Variants in ERLIN2 observed in about 807,000 individuals in gnomAD.
ERLIN2 encodes ER lipid raft associated 2.
ERLIN2 carries 22 observed loss-of-function variants against 41.5 expected under a neutral mutation model. The observed-to-expected ratio is 0.53, with a 90% confidence interval of 0.38 to 0.76. The LOEUF (loss-of-function observed/expected upper bound fraction) is 0.76. ERLIN2 is among the 30% of genes least tolerant of loss of function. The pLI is 0.00. For synonymous variants in ERLIN2, 149 were observed against 150.9 expected, an observed-to-expected ratio of 0.99 and a Z score of 0.09; for missense variants, 247 against 414.3, an observed-to-expected ratio of 0.60 and a Z score of 3.51.
chr8:37,737,860 T>C (rs1334144977), intron 1 of ERLIN2, 48 bp from the exon 2 acceptor site: 2 of 1,611,718 alleles, frequency 1.2e-6, no homozygotes, highest in Non-Finnish European at 1.7e-6. Flanking sequence ...TTGTGGCCTT[T>C]TCTCCTGCAC....
Position 37,749,644 on chromosome 8 carries a change from T to C in ERLIN2, c.498+12T>C. 1 of 1,606,360 alleles carries C rather than the reference T, an allele frequency of 6.2e-7. No individual in the cohort carries two copies. The highest frequency in any genetic ancestry group is 2.2e-5 in the East Asian group (1 of 44,824). On this transcript the variant is annotated intron_variant, in intron 7 of 11. Coordinates refer to ENST00000519638, the MANE Select transcript of ERLIN2 (RefSeq NM_007175.8). ...GGCTGGTCATTCAAGTAAGCATTGC[T>C]GCATGGGAGCAGCCCCTCTCTCTCT...
At chr8:37,750,219 G>A (rs1803186621) in intron 8 of ERLIN2, 176 bp from the exon 9 acceptor site, 1 of 654,340 alleles carries the variant, frequency 1.5e-6, no homozygotes, top group Non-Finnish European at 2.7e-6. Context: ...CTTGGGAGGA[G>A]AAGAGCTATG....
chr8:37,744,529 G>A lies in ERLIN2; in HGVS notation c.299-42G>A, dbSNP rs1438959241. The A allele has an allele frequency of 1.9e-6, 3 of 1,613,842 alleles. No homozygotes were observed. The Admixed American group carries it at 5.0e-5, about 27-fold the overall frequency. On this transcript the variant is annotated intron_variant, in intron 5 of 11. Coordinates refer to ENST00000519638, the MANE Select transcript of ERLIN2 (RefSeq NM_007175.8). ...GCTGCCGTGTCTGAGGGCATTTTGAGTCTTGCCTTTTCTTATGCCAAGCCC... is the reference window on the plus strand; with the variant it reads ...GCTGCCGTGTCTGAGGGCATTTTGAATCTTGCCTTTTCTTATGCCAAGCCC...
intron 6 of ERLIN2, chr8:37,745,862 T>A: frequency 7.7e-7 from 1 of 1,302,624 alleles, no homozygotes; most frequent in African/African-American, 1.5e-5. Context: ...AACCTCAAAC[T>A]AATAGAATTT....
intron 6 of ERLIN2, chr8:37,748,032 T>C: frequency 1.9e-6 from 3 of 1,592,860 alleles, no homozygotes; most frequent in Non-Finnish European, 2.6e-6. Flanking sequence ...TGAAAAACTC[T>C]ACGCAAAGAA....
intron 1 of ERLIN2, chr8:37,737,074 C>T (rs1802672072): frequency 2.6e-6 from 2 of 756,454 alleles, no homozygotes; most frequent in Non-Finnish European, 3.2e-6. Context: ...GAATCCACGC[C>T]CTGCGCTCAC....
In ERLIN2 at chr8:37,737,986, G is replaced by A. The variant is rs1477497674; in HGVS notation, c.64G>A (p.Ala22Thr). The change falls in exon 2 of 12, where the codon GCT becomes ACT. Residue 22 changes from alanine (A) to threonine (T), a missense_variant. Coordinates refer to ENST00000519638, the MANE Select transcript of ERLIN2 (RefSeq NM_007175.8). Reference protein sequence around the residue: ...SSFFCASLFSAVHKIEEGHIG... With the variant: ...SSFFCASLFSTVHKIEEGHIG... ...TTTCTTTTGTGCATCTCTCTTCTCA[G>A]CTGTGCACAAGATAGAAGAGGGACA... is the stretch of plus-strand genomic sequence containing the variant. 1.2e-6 allele frequency: 2 copies of A among 1,614,106 alleles called. No homozygotes were observed. Among genetic ancestry groups the A allele is most frequent in the Non-Finnish European group, 1.7e-6 (2 of 1,179,954 alleles).
rs372395378 is a variant in ERLIN2 at position 37,744,602 on chromosome 8, C to G, written c.330C>G (p.Asp110Glu). Reference sequence around the variant, plus strand: ...ATATAGTGAAGAACTATACTGCTGACTATGACAAGGCCCTCATCTTCAACA... The same window carrying G: ...ATATAGTGAAGAACTATACTGCTGAGTATGACAAGGCCCTCATCTTCAACA... The part of the protein sequence containing the change: ...VYDIVKNYTA[D>E]YDKALIFNKI... Residue 110 changes from aspartate (D) to glutamate (E), a missense_variant, in exon 6 of 12, where the codon GAC (aspartate) becomes GAG (glutamate). Physicochemically the swap from Asp to Glu is conservative, Grantham distance 45. Around this residue, in one of 3 missense-constraint regions of ERLIN2, gnomAD observed 93 missense variants for 139.0 expected, o/e 0.67. Transcript: ENST00000519638. 6.2e-6 allele frequency: 10 copies of G among 1,613,982 alleles called. No homozygotes were observed. The African/African-American group carries it at 9.3e-5, about 15-fold the overall frequency.
At position 37,745,763 on chromosome 8, in the gene ERLIN2, AT is replaced by A. The variant is rs1480031629; in HGVS notation, c.424+1071del. 6 of 1,504,918 alleles carry A rather than the reference AT, an allele frequency of 4.0e-6. No homozygotes were observed. In the African/African-American group the frequency reaches 8.4e-5, roughly 21 times the overall value. 93.2% of individuals were successfully genotyped at this position (1,504,918 alleles called of 1,614,324 possible). The stretch of plus-strand genomic sequence containing the variant: ...TGCAGTAGAAAATGAATCTAAATTC[AT>A]TTTATAGGGTTTGTAGTCTTTTATC... On this transcript the variant is annotated intron_variant, in intron 6 of 11. Transcript: ENST00000519638.
chr8:37,752,551 C>T (rs913938590), intron 10 of ERLIN2, among the ~76,000 whole-genome samples: 1 of 152,170 alleles, frequency 6.6e-6, no homozygotes, highest in African/African-American at 2.4e-5. Flanking sequence ...GCTGAGGGGG[C>T]CCCACAGCAG....
intron 6 of ERLIN2, chr8:37,746,345 A>G (rs532408825): frequency 1.0e-6 from 1 of 985,350 alleles, no homozygotes; most frequent in African/African-American, 1.7e-5. Context: ...AATACTTTGA[A>G]GTTTACCTGA....
rs751227210 is a variant in ERLIN2 at position 37,744,353 on chromosome 8, A to G, written c.237-2A>G. On this transcript the variant is annotated splice_acceptor_variant, in intron 4 of 11. Coordinates refer to ENST00000519638, the MANE Select transcript of ERLIN2 (RefSeq NM_007175.8). LOFTEE classifies it high-confidence loss of function. ...ACTTCTTGTCCATTCTCCCTCCAAT[A>G]GTGGTGGTGTGATGATCTACTTTGA... is the stretch of plus-strand genomic sequence containing the variant. 6.2e-7 allele frequency: 1 copy of G among 1,613,256 alleles called. No homozygotes were observed. The highest frequency in any genetic ancestry group is 1.1e-5 in the South Asian group (1 of 91,064).
Position 37,738,058 on chromosome 8 carries a change from A to G in ERLIN2, c.107+29A>G, listed in dbSNP as rs745499650. 4 of 1,613,144 alleles carry G rather than the reference A, an allele frequency of 2.5e-6. No homozygotes were observed. The Admixed American group carries it at 6.7e-5, about 27-fold the overall frequency. On this transcript the variant is annotated intron_variant, in intron 2 of 11. Transcript: ENST00000519638. The stretch of plus-strand genomic sequence containing the variant: ...AGGCAGAGACAGGGAGAAGCCGGCA[A>G]CTTCCTGTTAAATAGCTCCCTTTCC...
intron 8 of ERLIN2, 59 bp from the exon 9 acceptor site, chr8:37,750,335 TG>T: frequency 7.6e-7 from 1 of 1,318,454 alleles, no homozygotes; most frequent in South Asian, 1.2e-5. Flanking sequence ...TCGACTTACC[TG>T]GGGATAGTGA....
At chr8:37,745,736 T>G in intron 6 of ERLIN2, 7 of 1,536,100 alleles carry the variant, frequency 4.6e-6, no homozygotes, top group Non-Finnish European at 3.5e-6. Flanking sequence ...TTTTAATGTT[T>G]CTGCAGTAGA....
rs762034183 is a variant in ERLIN2 at position 37,736,999 on chromosome 8, G to T, written c.-16+321G>T. On this transcript the variant is annotated intron_variant, in intron 1 of 11. Transcript: ENST00000519638. ...CGCAACTGCAGATCGGTAGCCGGAG[G>T]CCGCCACGGTAAAATAAGCGCCTCG... 44 of 985,894 alleles carry T rather than the reference G, an allele frequency of 4.5e-5. No homozygotes were observed. The Admixed American group carries it at 1.9e-3, about 43-fold the overall frequency. The allele number at this position is 985,894 out of a possible 1,614,324, so 61.1% of individuals were successfully genotyped here.
intron 6 of ERLIN2, chr8:37,746,053 G>A (rs1312398819): frequency 6.0e-6 from 6 of 1,001,576 alleles, no homozygotes; most frequent in Non-Finnish European, 7.1e-6. Context: ...GCTTAGTGAA[G>A]TACAGCTGCT....
intron 4 of ERLIN2, among the ~76,000 whole-genome samples, chr8:37,742,040 T>TA (rs945306538): frequency 4.6e-5 from 7 of 152,112 alleles, no homozygotes; most frequent in African/African-American, 1.7e-4. Context: ...AGTTTGCACT[T>TA]ACTCTATTAG....
chr8:37,750,167 T>C (rs906422623), intron 8 of ERLIN2: 1 of 620,496 alleles, frequency 1.6e-6, no homozygotes, highest in Non-Finnish European at 2.9e-6. Flanking sequence ...GACAGGCAGG[T>C]GTATTTTACT....
Sources: gnomAD v4.1 joint callset for allele counts (sites outside exome capture counted in the v4.1 genomes callset) on GRCh38, gnomAD v4.1.1 for gene constraint, gnomAD v4.1.1 regional missense constraint, MANE v1.5 for transcripts, NCBI Gene and HGNC (gene_info 2026-07-23, HGNC 2026-07-21) for gene names.